Variants in COL4A1 observed in about 807,000 individuals in gnomAD.
COL4A1 encodes the protein collagen type IV alpha 1 chain.
Under a neutral mutation model 216.6 loss-of-function variants are expected in COL4A1, and 40 were observed. The observed-to-expected ratio is 0.18, with a 90% CI of 0.14 to 0.24. COL4A1 has a LOEUF of 0.24. COL4A1 is among the 10% of genes least tolerant of loss of function. The probability of loss-of-function intolerance (pLI) is 1.00; values close to 1 mark genes in which losing one functional copy is unlikely to be tolerated. For synonymous variants in COL4A1, 839 were observed against 810.7 expected (o/e 1.03, Z -0.59); for missense variants, 1,628 against 2,196.8 (o/e 0.74, Z 5.18).
chr13:110,201,390 G>T, intron 19 of COL4A1, 48 bp downstream of exon 19: 1 of 1,319,958 alleles, frequency 7.6e-7, no homozygotes, highest in Non-Finnish European at 1.0e-6. Flanking sequence ...AGGAGGAGGA[G>T]AGAAGGAGGG....
In COL4A1 at chr13:110,178,128, C is replaced by G. The variant is rs755733927; in HGVS notation, c.2562G>C (p.Thr854=). 1 of 1,614,186 alleles carries G rather than the reference C, an allele frequency of 6.2e-7. No individual in the cohort carries two copies. Residue 854 remains threonine (T), a synonymous_variant, in exon 32 of 52, where the codon ACG becomes ACC. Coordinates refer to ENST00000375820, the MANE Select transcript of COL4A1 (RefSeq NM_001845.6). ...DKGAQGLPGI[T]GQSGLPGLPG... is the part of the protein sequence containing the mutation. ...GAAGGCCAGGGAGCCCCGACTGTCC[C>G]GTTATGCCAGGGAGTCCTTGAGCCC...
chr13:110,176,488 A>T lies in COL4A1; in HGVS notation c.2994T>A (p.Ser998Arg). 6.2e-7 allele frequency: 1 copy of T among 1,613,970 alleles called. No individual in the cohort carries two copies. The change falls in exon 36 of 52, where the codon AGT (serine) becomes AGA (arginine). Residue 998 changes from serine (S) to arginine (R), a missense_variant. Ser to Arg is a moderately radical substitution (Grantham distance 110, BLOSUM62 -1). Around this residue, in one of 8 missense-constraint regions of COL4A1, gnomAD observed 58 missense variants for 132.5 expected, o/e 0.44. Coordinates refer to ENST00000375820, the MANE Select transcript of COL4A1 (RefSeq NM_001845.6). ...QPGPKGDPGI[S>R]GTPGAPGLPG... ...GAAGTCCTGGAGCACCTGGGGTTCCACTTATACCTGGATCACCTTTAGGTC... is the reference window on the plus strand; with the variant it reads ...GAAGTCCTGGAGCACCTGGGGTTCCTCTTATACCTGGATCACCTTTAGGTC...
intron 1 of COL4A1, among the ~76,000 whole-genome samples, chr13:110,303,879 G>A (rs1483975310): frequency 1.3e-5 from 2 of 152,220 alleles, no homozygotes; most frequent in African/African-American, 4.8e-5. Flanking sequence ...GTGGAATGAA[G>A]GAAGGCACAA....
chr13:110,188,890 C>G (rs1486114231), intron 24 of COL4A1, among the ~76,000 whole-genome samples: 4 of 152,222 alleles, frequency 2.6e-5, no homozygotes, highest in Admixed American at 6.5e-5. Context: ...CCACGATGCA[C>G]TGACTCCTGG....
chr13:110,179,197 G>T, intron 30 of COL4A1, 74 bp downstream of exon 30: 1 of 1,592,364 alleles, frequency 6.3e-7, no homozygotes, highest in Non-Finnish European at 8.6e-7. Context: ...AATATACTCG[G>T]TAGGGGCTCT....
chr13:110,174,610 C>A lies in COL4A1; in HGVS notation c.3325+13G>T, dbSNP rs1197876778. ...TAGATTCCCCAAGTCCAAGAGAAGC[C>A]CCCCTCACCTACCTGGATAGCCAAC... On this transcript the variant is annotated intron_variant, in intron 38 of 51. Coordinates refer to ENST00000375820, the MANE Select transcript of COL4A1 (RefSeq NM_001845.6). 6.2e-7 allele frequency: 1 copy of A among 1,613,984 alleles called. No homozygotes were observed. The highest frequency in any genetic ancestry group is 2.2e-5 in the East Asian group (1 of 44,888).
At position 110,192,252 on chromosome 13, in the gene COL4A1, T is replaced by G. The variant is rs1878663576; in HGVS notation, c.1498A>C (p.Arg500=). The change falls in exon 24 of 52, where the codon AGA becomes CGA. Residue 500 remains arginine, a synonymous_variant. Transcript: ENST00000375820. ...FPGQPGAKGD[R]GLPGRDGVAG... ...ACACCATCTCTGCCAGGCAAACCTCTGTCGCCCTTGGCCCCTGGCTGCCCT... is the reference window on the plus strand; with the variant it reads ...ACACCATCTCTGCCAGGCAAACCTCGGTCGCCCTTGGCCCCTGGCTGCCCT... The G allele has an allele frequency of 6.2e-7, 1 of 1,614,090 alleles. No individual in the cohort carries two copies. The highest frequency in any genetic ancestry group is 1.1e-5 in the South Asian group (1 of 91,088).
In COL4A1 at chr13:110,219,878, GTATA is replaced by G. The variant is rs1175003464; in HGVS notation, c.145-5867_145-5864del. ...TATGTATATATGTGTGTGTATATAT[GTATA>G]TATATGTGTGTATATATATGTATAT... is the stretch of plus-strand genomic sequence containing the variant. On this transcript the variant is annotated intron_variant, in intron 2 of 51. Coordinates refer to ENST00000375820, the MANE Select transcript of COL4A1 (RefSeq NM_001845.6). Among the ~76,000 whole-genome samples the G allele has an allele frequency of 1.5e-4, 13 of 87,062 alleles. 1 individual carries two copies. Among genetic ancestry groups the G allele is most frequent in the Non-Finnish European group, 2.1e-4 (10 of 46,544 alleles). 57.1% of individuals were successfully genotyped at this position (87,062 alleles called of 152,430 possible). A position where few individuals can be genotyped will look rare whatever the true frequency, so the allele number is the denominator to read the frequency against.
At chr13:110,293,211 A>G (rs1884154403) in intron 1 of COL4A1, among the ~76,000 whole-genome samples, 2 of 152,122 alleles carry the variant, frequency 1.3e-5, no homozygotes, top group African/African-American at 4.8e-5. Flanking sequence ...GGCAAACATG[A>G]CCAAAGGTGT....
At position 110,298,435 on chromosome 13, in the gene COL4A1, G is replaced by C. The variant is rs138072305; in HGVS notation, c.84+8509C>G. 2.9e-3 allele frequency among the ~76,000 whole-genome samples: 444 copies of C among 152,304 alleles called. 5 individuals carry two copies. The highest frequency in any genetic ancestry group is 0.01 in the African/African-American group (431 of 41,560). ...TTTCCAGTTAATATTATTGATTCTG[G>C]ACCGGGTTTGTGTATGTGTCCGAAA... On this transcript the variant is annotated intron_variant, in intron 1 of 51. Transcript: ENST00000375820.
intron 50 of COL4A1, 135 bp from the exon 51 acceptor site, chr13:110,152,641 G>T: frequency 9.1e-7 from 1 of 1,103,520 alleles, no homozygotes; most frequent in Non-Finnish European, 1.3e-6. Context: ...GTCACCACAG[G>T]ACACACTCTG....
chr13:110,266,095 G>C (rs886241126), intron 1 of COL4A1: 1 of 152,200 alleles, frequency 6.6e-6, no homozygotes, highest in African/African-American at 2.4e-5. Flanking sequence ...CAGCCCGCGC[G>C]GGGGGTGCCG....
chr13:110,261,069 A>T (rs993612211), intron 1 of COL4A1, among the ~76,000 whole-genome samples: 10 of 147,586 alleles, frequency 6.8e-5, no homozygotes, highest in African/African-American at 2.0e-4. Flanking sequence ...AAAATAGTAC[A>T]TTTTCTGTTA....
At chr13:110,191,044 T>G (rs1878605377) in intron 24 of COL4A1, 1 of 152,246 alleles carries the variant, frequency 6.6e-6, no homozygotes, top group Non-Finnish European at 1.5e-5. Flanking sequence ...AAAGTTCTTC[T>G]GTCTTTGATC....
chr13:110,232,060 A>T (rs1881089092), intron 2 of COL4A1, among the ~76,000 whole-genome samples: 1 of 152,226 alleles, frequency 6.6e-6, no homozygotes, highest in African/African-American at 2.4e-5. Flanking sequence ...ATTTCACTAC[A>T]GCTTTTTAGA....
In COL4A1 at chr13:110,152,459, G is replaced by T. The variant is rs190097900; in HGVS notation, c.4803C>A (p.Pro1601=). ...TTCTAAACTCCTCCAGGCAGGAGCC[G>T]GGGGACGCCAGGGCTTGGCCAGAGC... is the stretch of plus-strand genomic sequence containing the variant. ...AEGSGQALAS[P]GSCLEEFRSA... Residue 1601 remains proline, a synonymous_variant, in exon 51 of 52, where the codon CCC becomes CCA. Transcript: ENST00000375820. 3.1e-6 allele frequency: 5 copies of T among 1,613,892 alleles called. No individual in the cohort carries two copies. The East Asian group carries it at 1.1e-4, about 36-fold the overall frequency.
At chr13:110,227,333 T>C (rs599603) in intron 2 of COL4A1, among the ~76,000 whole-genome samples, 46,740 of 150,878 alleles carry the variant, frequency 0.31, 7,486 homozygotes, top group Non-Finnish European at 0.34. Context: ...CGTATATGGA[T>C]TTTTTTTTAA....
intron 1 of COL4A1, among the ~76,000 whole-genome samples, chr13:110,273,846 C>T (rs920894896): frequency 1.3e-5 from 2 of 152,134 alleles, no homozygotes; most frequent in African/African-American, 4.8e-5. Flanking sequence ...GTTGCAGACG[C>T]GCATCTGCCA....
At chr13:110,267,021 C>T (rs530970234) in intron 1 of COL4A1, among the ~76,000 whole-genome samples, 1 of 152,336 alleles carries the variant, frequency 6.6e-6, no homozygotes, top group Admixed American at 6.5e-5. Context: ...GAGTTGCACT[C>T]TGCCAGGGAC....
Sources: allele counts gnomAD v4.1 joint callset (sites outside exome capture counted in the v4.1 genomes callset), GRCh38; gene constraint gnomAD v4.1.1; regional missense constraint gnomAD v4.1.1; transcripts MANE v1.5; gene names NCBI Gene and HGNC (gene_info 2026-07-23, HGNC 2026-07-21).